The following CCL17 variants were observed in gnomAD, a reference collection of about 807,000 sequenced individuals.
CCL17 encodes C-C motif chemokine ligand 17, also known as C-C motif chemokine 17.
Under a neutral mutation model 7.4 loss-of-function variants are expected in CCL17, and 8 were observed. The observed-to-expected ratio is 1.09, with a 90% CI of 0.64 to 1.96. The LOEUF is 1.96. CCL17 is among the 30% of genes most tolerant of loss of function. The probability of loss-of-function intolerance (pLI) is 0.00; values close to 1 mark genes in which losing one functional copy is unlikely to be tolerated. For synonymous variants in CCL17, 40 were observed against 46.1 expected (o/e 0.87, Z 0.54); for missense variants, 102 against 113.0 (o/e 0.90, Z 0.44).
chr16:57,405,762 G>A (rs1462043737), intron 1 of CCL17, among the ~76,000 whole-genome samples: 3 of 152,024 alleles, frequency 2.0e-5, no homozygotes, highest in East Asian at 1.9e-4. Context: ...GGCCAGGTGC[G>A]GTGGCTCACG....
At chr16:57,413,423 G>A (rs987571167) in intron 1 of CCL17, among the ~76,000 whole-genome samples, 3 of 151,174 alleles carry the variant, frequency 2.0e-5, no homozygotes, top group Admixed American at 6.6e-5. Context: ...GCCCATGCCC[G>A]GCAGCCAGGG....
chr16:57,410,478 C>G (rs1223766556), intron 1 of CCL17, among the ~76,000 whole-genome samples: 1 of 152,168 alleles, frequency 6.6e-6, no homozygotes, highest in African/African-American at 2.4e-5. Context: ...GGCCCTTTCC[C>G]TTCCTTTGGC....
the CCL17 span, among the ~76,000 whole-genome samples, chr16:57,396,582 G>T: frequency 6.6e-6 from 1 of 152,146 alleles, no homozygotes; most frequent in Non-Finnish European, 1.5e-5. Context: ...TGGTGGGGGC[G>T]CTGCTGCAGG....
upstream of CCL17, among the ~76,000 whole-genome samples, chr16:57,404,172 C>T (rs1473651973): frequency 1.3e-5 from 2 of 152,074 alleles, no homozygotes; most frequent in African/African-American, 2.4e-5. Flanking sequence ...ACTCGCGGGG[C>T]CTCGTGGCTG....
upstream of CCL17, among the ~76,000 whole-genome samples, chr16:57,403,809 A>G (rs1434445778): frequency 6.8e-6 from 1 of 148,096 alleles, no homozygotes; most frequent in Non-Finnish European, 1.5e-5. Context: ...GGCACCTGCC[A>G]CCACGCTCAG....
At chr16:57,413,412 G>T (rs1396528397) in intron 1 of CCL17, among the ~76,000 whole-genome samples, 1 of 148,156 alleles carries the variant, frequency 6.7e-6, no homozygotes, top group Non-Finnish European at 1.5e-5. Context: ...GGAGCCCATG[G>T]GCCCATGCCC....
At chr16:57,414,088 T>G in intron 2 of CCL17, 86 bp downstream of exon 2, 3 of 1,016,848 alleles carry the variant, frequency 3.0e-6, no homozygotes, top group Non-Finnish European at 4.4e-6. Flanking sequence ...ATACACACGT[T>G]TGTGTATTAT....
the CCL17 span, among the ~76,000 whole-genome samples, chr16:57,398,850 A>C: frequency 1.3e-5 from 2 of 152,164 alleles, no homozygotes; most frequent in Non-Finnish European, 2.9e-5. Context: ...GAGTCCCTGA[A>C]CTTGAGAAGT....
Position 57,415,494 on chromosome 16 carries a change from G to A in CCL17, c.189-271G>A, listed in dbSNP as rs1433880152. ...AGCCTGGGCCTGAGCCCTGCCCGCA[G>A]TCTCCACGTCCCAGGCTCTAGACTG... On this transcript the variant is annotated intron_variant, in intron 3 of 3. Transcript: ENST00000219244. The surrounding 1 kb of genome is among the most constrained non-coding windows in gnomAD (Gnocchi z 4.5). 6.6e-6 allele frequency among the ~76,000 whole-genome samples: 1 copy of A among 152,252 alleles called. No homozygotes were observed. Among genetic ancestry groups the A allele is most frequent in the Admixed American group, 6.5e-5 (1 of 15,292 alleles).
chr16:57,412,478 A>G (rs1393395040), intron 1 of CCL17, among the ~76,000 whole-genome samples: 1 of 152,218 alleles, frequency 6.6e-6, no homozygotes, highest in African/African-American at 2.4e-5. Flanking sequence ...GAATCTAAAA[A>G]CAAGAAACAA....
chr16:57,401,776 A>G (rs1489211151), upstream of CCL17, among the ~76,000 whole-genome samples: 1 of 151,602 alleles, frequency 6.6e-6, no homozygotes, highest in Non-Finnish European at 1.5e-5. Flanking sequence ...CCCAGGCCCC[A>G]CTCCTTTTGG....
At chr16:57,412,942 C>A (rs1902808502) in intron 1 of CCL17, among the ~76,000 whole-genome samples, 2 of 152,188 alleles carry the variant, frequency 1.3e-5, no homozygotes, top group South Asian at 4.1e-4. Flanking sequence ...TATTGCAATT[C>A]TTGTTTTATT....
chr16:57,415,240 A>G lies in CCL17; in HGVS notation c.188+42A>G, dbSNP rs376522145. 3.0e-5 allele frequency: 40 copies of G among 1,354,316 alleles called. No homozygotes were observed. The highest frequency in any genetic ancestry group is 3.9e-5 in the Non-Finnish European group (37 of 943,468). The allele number at this position is 1,354,316 out of a possible 1,614,324, so 83.9% of individuals were successfully genotyped here. A position where few individuals can be genotyped will look rare whatever the true frequency, so the allele number is the denominator to read the frequency against. ...CCACCCCTGCTCCTCAGGGCCAAGC[A>G]TGGGGACAAGTGCACCCTGGAGCTC... is the stretch of plus-strand genomic sequence containing the variant. On this transcript the variant is annotated intron_variant, in intron 3 of 3. Transcript: ENST00000219244. This position sits in a 1 kb window ranked among gnomAD's most constrained non-coding sequence, Gnocchi z 4.5.
intron 1 of CCL17, among the ~76,000 whole-genome samples, chr16:57,406,303 A>G (rs1381174459): frequency 1.3e-5 from 2 of 151,766 alleles, no homozygotes; most frequent in Non-Finnish European, 2.9e-5. Context: ...TTTTCATTTT[A>G]TTTTTTTTGT....
intron 1 of CCL17, among the ~76,000 whole-genome samples, chr16:57,409,849 TCAC>T (rs1460512345): frequency 1.3e-5 from 2 of 152,142 alleles, no homozygotes; most frequent in African/African-American, 4.8e-5. Context: ...TTTGGGACCC[TCAC>T]ATCTCAGCTG....
chr16:57,405,651 G>T (rs1468063558), intron 1 of CCL17, among the ~76,000 whole-genome samples: 2 of 152,150 alleles, frequency 1.3e-5, no homozygotes, highest in African/African-American at 2.4e-5. Context: ...AGAGCTGAGG[G>T]GTGCCACAGA....
At chr16:57,400,755 G>A (rs1050051838), upstream of CCL17, among the ~76,000 whole-genome samples, 5 of 152,160 alleles carry the variant, frequency 3.3e-5, no homozygotes, top group East Asian at 5.8e-4. Flanking sequence ...GATCACCTGC[G>A]GTCAGGAGTT....
At chr16:57,400,234 C>G (rs1372750305), upstream of CCL17, among the ~76,000 whole-genome samples, 4 of 152,006 alleles carry the variant, frequency 2.6e-5, no homozygotes, top group African/African-American at 4.8e-5. Context: ...TGGCGGGCGC[C>G]TGTAATCTCA....
intron 1 of CCL17, among the ~76,000 whole-genome samples, chr16:57,413,152 G>A (rs573993985): frequency 6.6e-6 from 1 of 152,278 alleles, no homozygotes; most frequent in Admixed American, 6.5e-5. Flanking sequence ...CTTAGTGTAA[G>A]GCATCCCATT....
Sources: allele counts gnomAD v4.1 joint callset (sites outside exome capture counted in the v4.1 genomes callset), GRCh38; gene constraint gnomAD v4.1.1; non-coding constraint Gnocchi (gnomAD v3.1); transcripts MANE v1.5; gene names NCBI Gene and HGNC (gene_info 2026-07-23, HGNC 2026-07-21).